Variants in PTPRU observed in about 807,000 individuals in gnomAD.
PTPRU encodes protein tyrosine phosphatase receptor type U.
PTPRU carries 69 observed loss-of-function variants against 166.3 expected under a neutral mutation model. The observed-to-expected ratio is 0.41, with a 90% CI of 0.34 to 0.51. The LOEUF (loss-of-function observed/expected upper bound fraction) is 0.51. PTPRU is among the 20% of genes least tolerant of loss of function. The pLI is 0.09. For missense variants in PTPRU, 1,657 were observed against 2,013.7 expected, an observed-to-expected ratio of 0.82 and a Z score of 3.39; for synonymous variants, 793 against 814.0, an observed-to-expected ratio of 0.97 and a Z score of 0.44.
Position 29,275,571 on chromosome 1 carries a change from A to G in PTPRU, c.1268A>G (p.Tyr423Cys), listed in dbSNP as rs1234861418. ...CACACCTATACTGTGTCGCTGTGCT[A>G]TCACTACACCCTGGGCAGCAGCCAC... Reference protein sequence around the residue: ...RCHTYTVSLCYHYTLGSSHNQ... With the variant: ...RCHTYTVSLCCHYTLGSSHNQ... The change falls in exon 8 of 30, where the codon TAT becomes TGT. Residue 423 changes from tyrosine (Y) to cysteine (C), a missense_variant. Around this residue, in one of 3 missense-constraint regions of PTPRU, gnomAD observed 1,190 missense variants for 1,477.4 expected, o/e 0.81. Coordinates refer to ENST00000373779, the MANE Select transcript of PTPRU (RefSeq NM_133178.4). 2 of 1,614,186 alleles carry G rather than the reference A, an allele frequency of 1.2e-6. No homozygotes were observed. The highest frequency in any genetic ancestry group is 1.1e-5 in the South Asian group (1 of 91,078).
intron 7 of PTPRU, among the ~76,000 whole-genome samples, chr1:29,268,618 G>A (rs942064740): frequency 2.6e-5 from 4 of 152,218 alleles, no homozygotes; most frequent in African/African-American, 9.6e-5. Flanking sequence ...CCAGTGTTTT[G>A]GGTTAAATGC....
rs1685977795 is a variant in PTPRU, at chr1:29,279,779, A to G, written c.1765+122A>G. 1 of 1,219,924 alleles carries G rather than the reference A, an allele frequency of 8.2e-7. No homozygotes were observed. Among genetic ancestry groups the G allele is most frequent in the Admixed American group, 2.0e-5 (1 of 49,002 alleles). 75.6% of individuals were successfully genotyped at this position (1,219,924 alleles called of 1,614,324 possible). ...TTACAGAGGGCCCCTGCTGAGATAA[A>G]TATGCCATTTAGGAGTTAAAGTCAG... On this transcript the variant is annotated intron_variant, in intron 10 of 29. Transcript: ENST00000373779. The surrounding 1 kb of genome is among the most constrained non-coding windows in gnomAD (Gnocchi z 5.2).
At chr1:29,248,830 C>T (rs183317946) in intron 1 of PTPRU, among the ~76,000 whole-genome samples, 78 of 152,254 alleles carry the variant, frequency 5.1e-4, no homozygotes, top group African/African-American at 1.8e-3. Flanking sequence ...TGTAAATGCA[C>T]GTCTATACAC....
Position 29,320,743 on chromosome 1 carries a change from C to T in PTPRU, c.3746C>T (p.Pro1249Leu). The change falls in exon 26 of 30, where the codon CCC (proline) becomes CTC (leucine). Residue 1249 changes from proline (P) to leucine (L), a missense_variant. Physicochemically the swap from Pro to Leu is moderately conservative, Grantham distance 98. Around this residue, in one of 3 missense-constraint regions of PTPRU, gnomAD observed 1,190 missense variants for 1,477.4 expected, o/e 0.81. Transcript: ENST00000373779. This position sits in a 1 kb window ranked among gnomAD's most constrained non-coding sequence, Gnocchi z 5.2. Reference sequence around the variant, plus strand: ...CTGCACCCGCTGCAGAGCACCACGCCCGACTTCTGGCGGCTGGTCTACGAT... The same window carrying T: ...CTGCACCCGCTGCAGAGCACCACGCTCGACTTCTGGCGGCTGGTCTACGAT... ...VTLHPLQSTT[P>L]DFWRLVYDYG... 1 of 1,609,282 alleles carries T rather than the reference C, an allele frequency of 6.2e-7. No homozygotes were observed.
rs1413102613 is a variant in PTPRU, at chr1:29,311,802, C to T, written c.3072+43C>T. The T allele has an allele frequency of 3.8e-6, 6 of 1,574,874 alleles. No individual in the cohort carries two copies. The highest frequency in any genetic ancestry group is 8.7e-7 in the Non-Finnish European group (1 of 1,149,310). ...CTGTTCCCTGCAGAGGGTGCCTGAGCAGGGATTAGAGCCCACTCCCACTTC... is the reference window on the plus strand; with the variant it reads ...CTGTTCCCTGCAGAGGGTGCCTGAGTAGGGATTAGAGCCCACTCCCACTTC... On this transcript the variant is annotated intron_variant, in intron 21 of 29. Transcript: ENST00000373779. This position sits in a 1 kb window ranked among gnomAD's most constrained non-coding sequence, Gnocchi z 4.1.
In PTPRU at chr1:29,255,510, C is replaced by T. The variant is rs568648607; in HGVS notation, c.205+104C>T. ...CACATTACTTAACCTCTCTGGGCCC[C>T]ATCTACATTTGCATCTTTAATGACA... On this transcript the variant is annotated intron_variant, in intron 2 of 29. Coordinates refer to ENST00000373779, the MANE Select transcript of PTPRU (RefSeq NM_133178.4). The T allele has an allele frequency of 1.3e-5, 19 of 1,479,586 alleles. No homozygotes were observed. In the South Asian group the frequency reaches 2.2e-4, roughly 17 times the overall value. 91.7% of individuals were successfully genotyped at this position (1,479,586 alleles called of 1,614,324 possible). A position where few individuals can be genotyped will look rare whatever the true frequency, so the allele number is the denominator to read the frequency against.
At chr1:29,324,862 C>T (rs1482099487) in intron 28 of PTPRU, among the ~76,000 whole-genome samples, 1 of 151,918 alleles carries the variant, frequency 6.6e-6, no homozygotes, top group Non-Finnish European at 1.5e-5. Flanking sequence ...GCTCTTTGGC[C>T]CTCCTTAGTT....
intron 7 of PTPRU, among the ~76,000 whole-genome samples, chr1:29,273,030 G>T (rs1035636247): frequency 6.6e-6 from 1 of 152,094 alleles, no homozygotes; most frequent in African/African-American, 2.4e-5. Context: ...CCTCTAGCTG[G>T]GGACACTTTG....
rs1685942019 is a variant in PTPRU at position 29,279,072 on chromosome 1, T to C, written c.1514T>C (p.Leu505Pro). 1.3e-6 allele frequency: 2 copies of C among 1,592,046 alleles called. No homozygotes were observed. The highest frequency in any genetic ancestry group is 1.3e-5 in the African/African-American group (1 of 74,428). The change falls in exon 9 of 30, where the codon CTC becomes CCC. Residue 505 changes from leucine (L) to proline (P), a missense_variant. Around this residue, in one of 3 missense-constraint regions of PTPRU, gnomAD observed 1,190 missense variants for 1,477.4 expected, o/e 0.81. Transcript: ENST00000373779. This position sits in a 1 kb window ranked among gnomAD's most constrained non-coding sequence, Gnocchi z 5.2. Reference protein sequence around the residue: ...TFTPLEDMIFLKWEEPQEPNG... With the variant: ...TFTPLEDMIFPKWEEPQEPNG... ...ACTCCACTGGAGGACATGATCTTCCTCAAGTGGGAGGAGCCCCAGGAGCCC... is the reference window on the plus strand; with the variant it reads ...ACTCCACTGGAGGACATGATCTTCCCCAAGTGGGAGGAGCCCCAGGAGCCC...
chr1:29,320,723 C>T lies in PTPRU; in HGVS notation c.3726C>T (p.His1242=), dbSNP rs372182010. The part of the protein sequence containing the change: ...TRSAAFIVTL[H]PLQSTTPDFW... The stretch of plus-strand genomic sequence containing the variant: ...GTGCGGCCTTCATCGTGACCCTGCA[C>T]CCGCTGCAGAGCACCACGCCCGACT... Residue 1242 remains histidine (H), a synonymous_variant, in exon 26 of 30, where the codon CAC becomes CAT. Transcript: ENST00000373779. The surrounding 1 kb of genome is among the most constrained non-coding windows in gnomAD (Gnocchi z 5.2). 3.1e-4 allele frequency: 499 copies of T among 1,607,256 alleles called. No homozygotes were observed. The highest frequency in any genetic ancestry group is 4.0e-4 in the Non-Finnish European group (465 of 1,174,902).
Position 29,316,284 on chromosome 1 carries a change from G to A in PTPRU, c.3513+133G>A. The A allele has an allele frequency of 8.0e-6, 9 of 1,126,666 alleles. No individual in the cohort carries two copies. In the South Asian group the frequency reaches 1.5e-4, roughly 19 times the overall value. 69.8% of individuals were successfully genotyped at this position (1,126,666 alleles called of 1,614,324 possible). ...CTGAGGCCACAGCTGGAGGGACAGA[G>A]CTGAGCTACCAGGAAGGACTTTGGG... is the stretch of plus-strand genomic sequence containing the variant. On this transcript the variant is annotated intron_variant, in intron 24 of 29. Coordinates refer to ENST00000373779, the MANE Select transcript of PTPRU (RefSeq NM_133178.4).
At chr1:29,255,726 G>A (rs1684750023) in intron 2 of PTPRU, among the ~76,000 whole-genome samples, 2 of 152,136 alleles carry the variant, frequency 1.3e-5, no homozygotes, top group Admixed American at 1.3e-4. Flanking sequence ...ATCTTTGAGA[G>A]GCTCTCTTCA....
At chr1:29,303,555 G>A (rs1687237754) in intron 15 of PTPRU, among the ~76,000 whole-genome samples, 1 of 152,216 alleles carries the variant, frequency 6.6e-6, no homozygotes, top group African/African-American at 2.4e-5. Context: ...CAGGTAGCAT[G>A]GTGAAGCCTC....
rs1553121834 is a variant in PTPRU at position 29,275,761 on chromosome 1, G to C, written c.1453+5G>C. On this transcript the variant is annotated splice_donor_5th_base_variant and intron_variant, in intron 8 of 29. Transcript: ENST00000373779. ...CTTTCCAGACGGATGAGGATGGTAA[G>C]AGTCTCAGTCCCAATTCCCGGGGCC... 1.2e-6 allele frequency: 2 copies of C among 1,612,540 alleles called. No individual in the cohort carries two copies. The highest frequency in any genetic ancestry group is 1.7e-6 in the Non-Finnish European group (2 of 1,178,808).
In PTPRU at chr1:29,315,951, A is replaced by T. The variant is rs1341838260; in HGVS notation, c.3364-51A>T. The T allele has an allele frequency of 6.2e-7, 1 of 1,601,294 alleles. No homozygotes were observed. Among genetic ancestry groups the T allele is most frequent in the Non-Finnish European group, 8.5e-7 (1 of 1,172,386 alleles). ...GCTTGCTTAAGCCCCATCACCACAG[A>T]TCTCCAGCTTCTAGGCCCCTCCTCG... is the stretch of plus-strand genomic sequence containing the variant. On this transcript the variant is annotated intron_variant, in intron 23 of 29. Coordinates refer to ENST00000373779, the MANE Select transcript of PTPRU (RefSeq NM_133178.4). The surrounding 1 kb of genome is among the most constrained non-coding windows in gnomAD (Gnocchi z 4.5).
chr1:29,306,616 G>C (rs1687401053), intron 18 of PTPRU, among the ~76,000 whole-genome samples: 1 of 152,218 alleles, frequency 6.6e-6, no homozygotes, highest in Admixed American at 6.5e-5. Flanking sequence ...GGCTTGAGCT[G>C]CCTCTGGGTG....
chr1:29,304,628 C>T, intron 16 of PTPRU, 146 bp from the exon 17 acceptor site: 1 of 564,278 alleles, frequency 1.8e-6, no homozygotes, highest in Non-Finnish European at 3.1e-6. Flanking sequence ...CACAGTGACA[C>T]AGTGACTTTA....
intron 5 of PTPRU, 136 bp from the exon 6 acceptor site, chr1:29,259,734 C>G (rs1684953569): frequency 3.1e-6 from 4 of 1,285,824 alleles, no homozygotes; most frequent in Non-Finnish European, 1.0e-6. Flanking sequence ...TCCCCCATTC[C>G]CCCAGGTTAG....
intron 26 of PTPRU, among the ~76,000 whole-genome samples, chr1:29,322,713 C>T (rs1408176481): frequency 6.6e-6 from 1 of 152,070 alleles, no homozygotes; most frequent in Non-Finnish European, 1.5e-5. Flanking sequence ...AAGAGCCTTT[C>T]CTGGGCTTCA....
Sources: allele counts gnomAD v4.1 joint callset (sites outside exome capture counted in the v4.1 genomes callset), GRCh38; gene constraint gnomAD v4.1.1; regional missense constraint gnomAD v4.1.1; non-coding constraint Gnocchi (gnomAD v3.1); transcripts MANE v1.5; gene names NCBI Gene and HGNC (gene_info 2026-07-23, HGNC 2026-07-21).